Variants in NRXN3 observed in about 807,000 individuals in gnomAD.
NRXN3 encodes neurexin III.
Under a neutral mutation model 137.6 loss-of-function variants are expected in NRXN3, and 32 were observed. That is an observed-to-expected ratio of 0.23 (90% confidence interval 0.18 to 0.31). NRXN3 has a LOEUF of 0.31. Ranked by LOEUF, NRXN3 falls within the 10% of genes least tolerant of loss-of-function variation. NRXN3 has a pLI of 1.00. For synonymous variants in NRXN3, 798 were observed against 784.5 expected, an observed-to-expected ratio of 1.02 and a Z score of -0.29; for missense variants, 1,574 against 2,062.5, an observed-to-expected ratio of 0.76 and a Z score of 4.59.
chr14:79,707,225 A>G (rs2098784061), intron 19 of NRXN3, among the ~76,000 whole-genome samples: 2 of 152,214 alleles, frequency 1.3e-5, no homozygotes, highest in Non-Finnish European at 2.9e-5. Flanking sequence ...GGGCTCAAAA[A>G]TATCAGTTGA....
At chr14:79,142,348 C>T (rs1240962554) in intron 15 of NRXN3, among the ~76,000 whole-genome samples, 2 of 151,876 alleles carry the variant, frequency 1.3e-5, no homozygotes, top group Non-Finnish European at 2.9e-5. Context: ...ATTGCTTGAA[C>T]CCGGGAGGCA....
chr14:78,585,187 G>A (rs950025646), intron 4 of NRXN3, among the ~76,000 whole-genome samples: 5 of 152,000 alleles, frequency 3.3e-5, no homozygotes, highest in African/African-American at 1.2e-4. Flanking sequence ...AGGCCTCAAT[G>A]TTGAAGTAGT....
chr14:78,786,796 T>C (rs1472886033), intron 8 of NRXN3, among the ~76,000 whole-genome samples: 1 of 152,214 alleles, frequency 6.6e-6, no homozygotes, highest in Admixed American at 6.5e-5. Context: ...TTGTTGATTT[T>C]GTTTTTCCTG....
intron 4 of NRXN3, among the ~76,000 whole-genome samples, chr14:78,351,318 C>T (rs1270528866): frequency 1.3e-5 from 2 of 152,160 alleles, no homozygotes; most frequent in African/African-American, 2.4e-5. Flanking sequence ...TTTTTGCATA[C>T]ATGAATGAGG....
chr14:79,432,665 T>C (rs955255319), intron 15 of NRXN3, among the ~76,000 whole-genome samples: 1 of 152,234 alleles, frequency 6.6e-6, no homozygotes, highest in Admixed American at 6.5e-5. Flanking sequence ...AGTTATTTTT[T>C]CTATTTTCAG....
chr14:78,817,813 T>A (rs949127328), intron 10 of NRXN3, among the ~76,000 whole-genome samples: 1 of 151,972 alleles, frequency 6.6e-6, no homozygotes, highest in African/African-American at 2.4e-5. Context: ...ATTCACCCCG[T>A]GACTCAAACG....
intron 10 of NRXN3, among the ~76,000 whole-genome samples, chr14:78,906,437 C>T (rs1370291404): frequency 6.6e-6 from 1 of 152,068 alleles, no homozygotes; most frequent in Non-Finnish European, 1.5e-5. Context: ...CCTGACACCA[C>T]TCAAATATCA....
chr14:78,795,288 T>A (rs2098818214), intron 8 of NRXN3, among the ~76,000 whole-genome samples: 1 of 152,240 alleles, frequency 6.6e-6, no homozygotes, highest in African/African-American at 2.4e-5. Context: ...ACTATGATTT[T>A]CTTTCTCCCT....
chr14:79,809,457 T>A (rs1388556370), intron 20 of NRXN3, among the ~76,000 whole-genome samples: 1 of 152,158 alleles, frequency 6.6e-6, no homozygotes, highest in African/African-American at 2.4e-5. Context: ...CATTTTTTTT[T>A]AACAAAGTTA....
intron 16 of NRXN3, among the ~76,000 whole-genome samples, chr14:79,474,196 G>C (rs2096539618): frequency 6.6e-6 from 1 of 152,126 alleles, no homozygotes; most frequent in Non-Finnish European, 1.5e-5. Context: ...TGGAGCTTCA[G>C]CTTCCTCTTC....
chr14:79,679,928 T>C (rs963601461), intron 17 of NRXN3, among the ~76,000 whole-genome samples: 3 of 152,132 alleles, frequency 2.0e-5, no homozygotes, highest in Non-Finnish European at 4.4e-5. Flanking sequence ...GTCACTTGAG[T>C]TGTAAATCAC....
chr14:79,307,232 C>T (rs2086246992), intron 15 of NRXN3, among the ~76,000 whole-genome samples: 1 of 152,102 alleles, frequency 6.6e-6, no homozygotes, highest in East Asian at 1.9e-4. Context: ...AAATAAGTTA[C>T]TCTAGGTCCC....
intron 16 of NRXN3, among the ~76,000 whole-genome samples, chr14:79,614,325 A>G (rs980963489): frequency 6.6e-6 from 1 of 152,138 alleles, no homozygotes; most frequent in Non-Finnish European, 1.5e-5. Flanking sequence ...CAATGTAAAA[A>G]CGCCCAGTTA....
chr14:78,472,270 A>G (rs949229578), intron 4 of NRXN3, among the ~76,000 whole-genome samples: 1 of 152,150 alleles, frequency 6.6e-6, no homozygotes, highest in Non-Finnish European at 1.5e-5. Context: ...AAAATGTGAT[A>G]TCCTGGGGAT....
chr14:79,567,647 G>A (rs1017528963), intron 16 of NRXN3, among the ~76,000 whole-genome samples: 31 of 151,802 alleles, frequency 2.0e-4, no homozygotes, highest in Middle Eastern at 3.4e-3. Flanking sequence ...TTCTACGTTC[G>A]GCATGATTTG....
At chr14:79,784,905 A>G (rs2140169929) in intron 19 of NRXN3, among the ~76,000 whole-genome samples, 1 of 152,226 alleles carries the variant, frequency 6.6e-6, no homozygotes, top group African/African-American at 2.4e-5. Flanking sequence ...GCGGGGCTTT[A>G]TTGACTGTTG....
chr14:78,863,694 CA>C (rs1166827396), intron 10 of NRXN3, among the ~76,000 whole-genome samples: 1 of 152,082 alleles, frequency 6.6e-6, no homozygotes, highest in African/African-American at 2.4e-5. Context: ...AATTTTATTT[CA>C]GTCCACAAAT....
intron 16 of NRXN3, among the ~76,000 whole-genome samples, chr14:79,544,236 C>A (rs760796854): frequency 1.3e-5 from 2 of 152,154 alleles, no homozygotes; most frequent in African/African-American, 2.4e-5. Flanking sequence ...ATTGAACAAG[C>A]GCTACAGGAT....
At chr14:78,371,851 G>A (rs143902939) in intron 4 of NRXN3, among the ~76,000 whole-genome samples, 2 of 152,330 alleles carry the variant, frequency 1.3e-5, no homozygotes, top group African/African-American at 4.8e-5. Context: ...AGTAGGTATT[G>A]TTCTAAGCCA....
Sources: allele counts gnomAD v4.1 joint callset (sites outside exome capture counted in the v4.1 genomes callset), GRCh38; gene constraint gnomAD v4.1.1; transcripts MANE v1.5; gene names NCBI Gene and HGNC (gene_info 2026-07-23, HGNC 2026-07-21).